LYN: variants seen among roughly 807,000 people sequenced by gnomAD.
LYN encodes the protein LYN proto-oncogene, Src family tyrosine kinase.
LYN carries 12 observed loss-of-function variants against 65.0 expected under a neutral mutation model. The observed-to-expected ratio is 0.18, with a 90% confidence interval of 0.12 to 0.30. LYN has a LOEUF of 0.30. Among genes scored for constraint, LYN ranks in the 10% least tolerant of loss-of-function variants. The pLI is 1.00. For synonymous variants in LYN, 222 were observed against 221.2 expected, an observed-to-expected ratio of 1.00 and a Z score of -0.03; for missense variants, 380 against 623.2, an observed-to-expected ratio of 0.61 and a Z score of 4.16.
At chr8:55,917,174 TAAAA>T (rs776843044) in intron 1 of LYN, among the ~76,000 whole-genome samples, 1 of 135,620 alleles carries the variant, frequency 7.4e-6, no homozygotes, top group Non-Finnish European at 1.6e-5. Flanking sequence ...AGATTCTGTC[TAAAA>T]AAAAAAAAAA....
intron 1 of LYN, among the ~76,000 whole-genome samples, chr8:55,905,041 A>T (rs1204950442): frequency 1.3e-5 from 2 of 152,212 alleles, no homozygotes; most frequent in East Asian, 3.9e-4. Context: ...TCCCCAGGTG[A>T]TTCTGCTTGT....
intron 8 of LYN, among the ~76,000 whole-genome samples, chr8:55,965,029 C>A (rs34955873): frequency 0.19 from 25,599 of 133,522 alleles, 2,385 homozygotes; most frequent in Middle Eastern, 0.29. Context: ...ACTCCCTTCT[C>A]CCCATTTTTT....
intron 1 of LYN, among the ~76,000 whole-genome samples, chr8:55,941,365 A>G (rs1285094676): frequency 6.6e-6 from 1 of 151,990 alleles, no homozygotes; most frequent in Non-Finnish European, 1.5e-5. Flanking sequence ...GATTAGGTTG[A>G]TCTAGCTCTC....
chr8:55,935,804 A>G (rs1244954513), intron 1 of LYN, among the ~76,000 whole-genome samples: 1 of 149,448 alleles, frequency 6.7e-6, no homozygotes, highest in Non-Finnish European at 1.5e-5. Context: ...AAAAACAGGA[A>G]TTTGGGAAAA....
intron 1 of LYN, among the ~76,000 whole-genome samples, chr8:55,922,202 C>T (rs1299509388): frequency 6.6e-6 from 1 of 152,188 alleles, no homozygotes; most frequent in Non-Finnish European, 1.5e-5. Flanking sequence ...ATTCTCTCAC[C>T]TCAGCCTCCT....
intron 8 of LYN, among the ~76,000 whole-genome samples, chr8:55,959,231 C>T (rs1807206723): frequency 6.6e-6 from 1 of 152,142 alleles, no homozygotes; most frequent in South Asian, 2.1e-4. Flanking sequence ...TTGTGTTTTC[C>T]TAATAATTAG....
intron 2 of LYN, among the ~76,000 whole-genome samples, chr8:55,946,203 C>T (rs951476094): frequency 1.3e-5 from 2 of 152,182 alleles, no homozygotes; most frequent in Non-Finnish European, 2.9e-5. Flanking sequence ...AGGTGAGCAC[C>T]TGGCACCTGC....
intron 9 of LYN, 51 bp from the exon 10 acceptor site, chr8:55,969,666 T>A: frequency 7.2e-7 from 1 of 1,384,418 alleles, no homozygotes; most frequent in Non-Finnish European, 1.0e-6. Flanking sequence ...TTTGTTTGGA[T>A]TTTTTCTTGT....
intron 10 of LYN, among the ~76,000 whole-genome samples, chr8:55,994,144 T>A (rs146476144): frequency 3.3e-5 from 5 of 151,978 alleles, no homozygotes; most frequent in Non-Finnish European, 5.9e-5. Flanking sequence ...ATTAAGGTTT[T>A]AAAAAAAATA....
chr8:55,914,279 A>G (rs922494178), intron 1 of LYN, among the ~76,000 whole-genome samples: 1 of 152,082 alleles, frequency 6.6e-6, no homozygotes, highest in Non-Finnish European at 1.5e-5. Flanking sequence ...CACTAATCTA[A>G]GGGGAAGGGG....
At chr8:55,943,730 C>T (rs1806695379) in intron 2 of LYN, among the ~76,000 whole-genome samples, 1 of 152,116 alleles carries the variant, frequency 6.6e-6, no homozygotes, top group Admixed American at 6.6e-5. Flanking sequence ...GAAATATCTG[C>T]CATGTATCAA....
intron 1 of LYN, among the ~76,000 whole-genome samples, chr8:55,908,271 GTC>G (rs1805489291): frequency 7.5e-6 from 1 of 132,820 alleles, no homozygotes; most frequent in South Asian, 2.2e-4. Context: ...TTGAGACAGA[GTC>G]TCACTGTGTC....
Position 55,937,637 on chromosome 8 carries a change from T to C in LYN, c.-5-4218T>C, listed in dbSNP as rs189123245. On this transcript the variant is annotated intron_variant, in intron 1 of 12. Coordinates refer to ENST00000519728, the MANE Select transcript of LYN (RefSeq NM_002350.4). ...TGAACAGCTGGATAATGGTAAGGCATTGCTAGATTTTATGAAACCAAAACC... is the reference window on the plus strand; with the variant it reads ...TGAACAGCTGGATAATGGTAAGGCACTGCTAGATTTTATGAAACCAAAACC... 2.0e-3 allele frequency among the ~76,000 whole-genome samples: 303 copies of C among 152,282 alleles called. 2 individuals are homozygous for C. The highest frequency in any genetic ancestry group is 6.2e-3 in the African/African-American group (257 of 41,570).
rs113242972 is a variant in LYN, at chr8:55,938,315, T to A, written c.-5-3540T>A. On this transcript the variant is annotated intron_variant, in intron 1 of 12. Transcript: ENST00000519728. ...GCATGTCAAAGCCTCAGTTACTATC[T>A]TGTTTTAACCAAATTCTCTACGCAT... Among the ~76,000 whole-genome samples the A allele has an allele frequency of 1.0e-3, 158 of 152,376 alleles. 1 individual carries two copies. Among genetic ancestry groups the A allele is most frequent in the African/African-American group, 3.7e-3 (152 of 41,584 alleles).
At chr8:55,964,074 G>A (rs1422498329) in intron 8 of LYN, among the ~76,000 whole-genome samples, 2 of 152,124 alleles carry the variant, frequency 1.3e-5, no homozygotes, top group African/African-American at 4.8e-5. Flanking sequence ...GCATTTAGAT[G>A]TCAGAACAAT....
At chr8:55,952,724 A>G (rs1390674508) in intron 7 of LYN, among the ~76,000 whole-genome samples, 3 of 152,208 alleles carry the variant, frequency 2.0e-5, no homozygotes, top group African/African-American at 7.2e-5. Context: ...TTGTCTTTGC[A>G]TATATTTTTA....
At chr8:55,908,991 A>G (rs13279662) in intron 1 of LYN, among the ~76,000 whole-genome samples, 4,548 of 14,678 alleles carry the variant, frequency 0.31, 568 homozygotes, top group East Asian at 0.5. Context: ...TTGTGTATGT[A>G]TATATATATA....
rs549799776 is a variant in LYN at position 56,010,222 on chromosome 8, T to C, written c.*112T>C. On this transcript the variant is annotated 3_prime_UTR_variant, in exon 13 of 13. Coordinates refer to ENST00000519728, the MANE Select transcript of LYN (RefSeq NM_002350.4). ...ATGTGCGGGGATCATCTGCCGTGCC[T>C]GGATCCTGAAATAGAGGCTAAATTA... The C allele has an allele frequency of 1.5e-5, 16 of 1,094,542 alleles. No homozygotes were observed. The South Asian group carries it at 1.7e-4, about 12-fold the overall frequency. 67.8% of individuals were successfully genotyped at this position (1,094,542 alleles called of 1,614,324 possible).
chr8:55,973,098 G>A (rs1451824846), intron 10 of LYN, among the ~76,000 whole-genome samples: 1 of 152,132 alleles, frequency 6.6e-6, no homozygotes, highest in Non-Finnish European at 1.5e-5. Context: ...GCAGAGTTGG[G>A]ACTTTTCCCA....
Sources: gnomAD v4.1 joint callset for allele counts (sites outside exome capture counted in the v4.1 genomes callset) on GRCh38, gnomAD v4.1.1 for gene constraint, MANE v1.5 for transcripts, NCBI Gene and HGNC (gene_info 2026-07-23, HGNC 2026-07-21) for gene names.